The following UFL1 variants were observed in gnomAD, a reference collection of about 807,000 sequenced individuals.
UFL1 encodes the protein E3 UFM1-protein ligase 1.
UFL1 carries 78 observed loss-of-function variants against 99.3 expected under a neutral mutation model. The ratio of observed to expected loss-of-function variants is 0.79; its 90% CI spans 0.65 to 0.95. The LOEUF (loss-of-function observed/expected upper bound fraction) is 0.95. Ranked by LOEUF, UFL1 falls within the 40% of genes least tolerant of loss-of-function variation. The pLI, the probability that UFL1 is intolerant of heterozygous loss-of-function variation, is 0.00. For synonymous variants in UFL1, 335 were observed against 322.2 expected (o/e 1.04, Z -0.42); for missense variants, 936 against 937.0 (o/e 1.00, Z 0.01).
chr6:96,535,339 T>G (rs891798155), intron 7 of UFL1, among the ~76,000 whole-genome samples: 1 of 152,038 alleles, frequency 6.6e-6, no homozygotes, highest in Non-Finnish European at 1.5e-5. Context: ...CCCTTCCATC[T>G]GCTTTTTCCT....
At chr6:96,548,843 G>A (rs1266919270) in intron 13 of UFL1, among the ~76,000 whole-genome samples, 2 of 151,480 alleles carry the variant, frequency 1.3e-5, no homozygotes, top group East Asian at 1.9e-4. Flanking sequence ...CACTGTGTAC[G>A]CTTTCATAAA....
At chr6:96,527,921 C>T (rs1045855532) in intron 5 of UFL1, among the ~76,000 whole-genome samples, 1 of 152,114 alleles carries the variant, frequency 6.6e-6, no homozygotes, top group African/African-American at 2.4e-5. Context: ...TGATGCCAGT[C>T]GTAGTATAGC....
chr6:96,540,471 C>T, intron 10 of UFL1, 64 bp from the exon 11 acceptor site: 1 of 1,544,186 alleles, frequency 6.5e-7, no homozygotes, highest in Non-Finnish European at 8.7e-7. Context: ...AGTATATAAA[C>T]AACTTTTATG....
chr6:96,528,419 G>A, intron 5 of UFL1, 83 bp from the exon 6 acceptor site: 1 of 1,478,158 alleles, frequency 6.8e-7, no homozygotes, highest in Non-Finnish European at 9.1e-7. Flanking sequence ...TCAGCATGCA[G>A]CATGACTTGA....
chr6:96,546,271 G>A (rs1485314630), intron 12 of UFL1, among the ~76,000 whole-genome samples: 14 of 140,802 alleles, frequency 9.9e-5, no homozygotes, highest in African/African-American at 2.6e-4. Context: ...ATTTTTAATA[G>A]CTACAAAAAA....
At chr6:96,548,047 C>T in intron 12 of UFL1, 117 bp from the exon 13 acceptor site, 1 of 650,968 alleles carries the variant, frequency 1.5e-6, no homozygotes, top group Non-Finnish European at 2.6e-6. Context: ...TTGACATTAA[C>T]AATTGAGTAA....
Position 96,523,198 on chromosome 6 carries a change from C to T in UFL1, c.130C>T (p.Gln44Ter). Residue 44 changes from glutamine to a stop codon, truncating the protein, a stop_gained, in exon 2 of 19, where the codon CAG becomes TAG. Coordinates refer to ENST00000369278, the MANE Select transcript of UFL1 (RefSeq NM_015323.5). LOFTEE classifies it high-confidence loss of function. ...TGTTAATAAATTGATTGCTCAGAAA[C>T]AGCTAGAAGTAGTTCATACACTCGA... ...EIVNKLIAQK[Q>*]LEVVHTLDGK... 6.2e-7 allele frequency: 1 copy of T among 1,613,014 alleles called. No homozygotes were observed. The highest frequency in any genetic ancestry group is 8.5e-7 in the Non-Finnish European group (1 of 1,179,484).
chr6:96,550,281 A>G (rs1471065539), intron 15 of UFL1, among the ~76,000 whole-genome samples: 1 of 151,810 alleles, frequency 6.6e-6, no homozygotes. Context: ...GGTGCCATCT[A>G]TCCCAAGATG....
chr6:96,540,800 A>G (rs780169092), intron 11 of UFL1, 145 bp downstream of exon 11: 134 of 982,150 alleles, frequency 1.4e-4, no homozygotes, highest in Admixed American at 1.5e-4. Context: ...ATATTTTGCT[A>G]ATGTGTTAAG....
In UFL1 at chr6:96,553,898, T is replaced by C. The variant is rs1770118089; in HGVS notation, c.*395T>C. ...TGCCAGTATACTTAAATGTATACTT[T>C]ATATACATTTAAGCAGAAATTTAAA... On this transcript the variant is annotated 3_prime_UTR_variant, in exon 19 of 19. Transcript: ENST00000369278. The C allele has an allele frequency of 6.4e-6, 1 of 155,604 alleles. No homozygotes were observed. The highest frequency in any genetic ancestry group is 2.4e-5 in the African/African-American group (1 of 41,634). The allele number at this position is 155,604 out of a possible 1,614,324, so 9.6% of individuals were successfully genotyped here.
intron 13 of UFL1, among the ~76,000 whole-genome samples, chr6:96,549,045 G>A (rs1473159106): frequency 6.6e-6 from 1 of 151,508 alleles, no homozygotes; most frequent in Admixed American, 6.6e-5. Flanking sequence ...TTTTTTAAAT[G>A]TATTTTAATA....
In UFL1 at chr6:96,552,541, C is replaced by T. The variant is rs1426129418; in HGVS notation, c.2045C>T (p.Pro682Leu). 1.9e-6 allele frequency: 3 copies of T among 1,612,458 alleles called. No homozygotes were observed. Among genetic ancestry groups the T allele is most frequent in the South Asian group, 1.1e-5 (1 of 90,972 alleles). ...LAEQLKVTED[P>L]ALILHLTSVL... ...GAACAGCTAAAGGTCACAGAAGACCCTGCTCTTATTCTGCACCTCACATCA... is the reference window on the plus strand; with the variant it reads ...GAACAGCTAAAGGTCACAGAAGACCTTGCTCTTATTCTGCACCTCACATCA... Residue 682 changes from proline (P) to leucine (L), a missense_variant, in exon 18 of 19, where the codon CCT (proline) becomes CTT (leucine). By Grantham distance (98) the Pro-to-Leu change is moderately conservative. Transcript: ENST00000369278.
At chr6:96,534,058 A>C (rs1190111452) in intron 6 of UFL1, among the ~76,000 whole-genome samples, 2 of 151,898 alleles carry the variant, frequency 1.3e-5, no homozygotes, top group Non-Finnish European at 2.9e-5. Context: ...ATGTAAACTG[A>C]TCCTTGATTG....
chr6:96,528,503 C>A lies in UFL1; in HGVS notation c.467C>A (p.Ala156Glu), dbSNP rs1229644512. 1 of 1,612,310 alleles carries A rather than the reference C, an allele frequency of 6.2e-7. No homozygotes were observed. The highest frequency in any genetic ancestry group is 8.5e-7 in the Non-Finnish European group (1 of 1,179,268). The change falls in exon 6 of 19, where the codon GCA becomes GAA. Residue 156 changes from alanine to glutamate, a missense_variant and splice_region_variant. By Grantham distance (107) the Ala-to-Glu change is moderately radical. Coordinates refer to ENST00000369278, the MANE Select transcript of UFL1 (RefSeq NM_015323.5). ...AAAAATGTACATCTTTACCCACAGGCACTAACTCAGCGACTTGGTAGAATT... is the reference window on the plus strand; with the variant it reads ...AAAAATGTACATCTTTACCCACAGGAACTAACTCAGCGACTTGGTAGAATT... Reference protein sequence around the residue: ...YDLPGNFLTQALTQRLGRIIS... With the variant: ...YDLPGNFLTQELTQRLGRIIS...
chr6:96,534,370 A>G, intron 7 of UFL1, 49 bp downstream of exon 7: 2 of 1,303,022 alleles, frequency 1.5e-6, no homozygotes, highest in East Asian at 5.0e-5. Flanking sequence ...TGAATAGACT[A>G]TTAATGTAAA....
At chr6:96,526,219 T>C (rs1216832314) in intron 4 of UFL1, 102 bp from the exon 5 acceptor site, 1 of 875,866 alleles carries the variant, frequency 1.1e-6, no homozygotes, top group African/African-American at 1.7e-5. Context: ...TTTCATTACT[T>C]TTGGGGCATA....
intron 12 of UFL1, among the ~76,000 whole-genome samples, chr6:96,544,523 T>A (rs1582444106): frequency 6.6e-6 from 1 of 151,060 alleles, no homozygotes; most frequent in Non-Finnish European, 1.5e-5. Context: ...CCTGCAGCTA[T>A]TAATGTTCTA....
intron 1 of UFL1, 144 bp downstream of exon 1, chr6:96,522,094 C>A: frequency 9.8e-7 from 1 of 1,024,960 alleles, no homozygotes; most frequent in Non-Finnish European, 1.4e-6. Flanking sequence ...CTGTCCCGAG[C>A]CTGGATCGCA....
Position 96,544,352 on chromosome 6 carries a change from C to T in UFL1, c.1402+1336C>T, listed in dbSNP as rs17056725. Among the ~76,000 whole-genome samples the T allele has an allele frequency of 2.9e-3, 429 of 150,330 alleles. 16 individuals are homozygous for T. The East Asian group carries it at 0.078, about 27-fold the overall frequency. On this transcript the variant is annotated intron_variant, in intron 12 of 18. Coordinates refer to ENST00000369278, the MANE Select transcript of UFL1 (RefSeq NM_015323.5). ...AATTTTTCTGTTTAAAAAAGGTAAA[C>T]TTAATGAAACCATGATACTGCCCTC...
Sources: gnomAD v4.1 joint callset for allele counts (sites outside exome capture counted in the v4.1 genomes callset) on GRCh38, gnomAD v4.1.1 for gene constraint, MANE v1.5 for transcripts, NCBI Gene and HGNC (gene_info 2026-07-23, HGNC 2026-07-21) for gene names.